ANKRD36C: variants seen among roughly 807,000 people sequenced by gnomAD.
The protein encoded by ANKRD36C is ankyrin repeat domain 36C, also known as ankyrin repeat domain-containing protein 36C.
Under a neutral mutation model 276.4 loss-of-function variants are expected in ANKRD36C, and 61 were observed. The observed-to-expected ratio is 0.22, with a 90% CI of 0.18 to 0.27. ANKRD36C has a LOEUF of 0.27. Among genes scored for constraint, ANKRD36C ranks in the 10% least tolerant of loss-of-function variants. The pLI, the probability that ANKRD36C is intolerant of heterozygous loss-of-function variation, is 1.00. For synonymous variants in ANKRD36C, 483 were observed against 680.1 expected (o/e 0.71, Z 4.51); for missense variants, 1,447 against 2,032.3 (o/e 0.71, Z 5.54).
chr2:95,865,698 C>A (rs1675670299), intron 60 of ANKRD36C, among the ~76,000 whole-genome samples: 1 of 152,044 alleles, frequency 6.6e-6, no homozygotes, highest in African/African-American at 2.4e-5. Context: ...TGTTTGTATA[C>A]ATGAGGTCGG....
chr2:95,952,990 A>C (rs1053791281), intron 14 of ANKRD36C, among the ~76,000 whole-genome samples: 1 of 152,280 alleles, frequency 6.6e-6, no homozygotes, highest in African/African-American at 2.4e-5. Flanking sequence ...TTTGAAATTT[A>C]GAATGCGATA....
intron 59 of ANKRD36C, among the ~76,000 whole-genome samples, chr2:95,875,475 A>G (rs1351435229): frequency 6.9e-6 from 1 of 144,336 alleles, no homozygotes; most frequent in African/African-American, 2.6e-5. Flanking sequence ...GTGGGAATTG[A>G]ACAATGAGAA....
rs185645586 is a variant in ANKRD36C, at chr2:95,903,048, A to T, written c.2654-3712T>A. 2.6e-5 allele frequency: 41 copies of T among 1,570,464 alleles called. 1 individual carries two copies. The East Asian group carries it at 8.7e-4, about 33-fold the overall frequency. The stretch of plus-strand genomic sequence containing the variant: ...AGTTCACAATATAAATGACAGTTTC[A>T]TTACCTTCAAGCCTGGTGGTTGCTC... On this transcript the variant is annotated intron_variant, in intron 42 of 66. Coordinates refer to ENST00000456556, the Ensembl canonical transcript of ANKRD36C.
Position 95,954,014 on chromosome 2 carries a change from C to G in ANKRD36C, c.1137-9G>C. The G allele has an allele frequency of 6.5e-7, 1 of 1,534,482 alleles. No homozygotes were observed. The highest frequency in any genetic ancestry group is 1.2e-5 in the South Asian group (1 of 83,746). On this transcript the variant is annotated splice_polypyrimidine_tract_variant and intron_variant, in intron 13 of 66. Coordinates refer to ENST00000456556, the Ensembl canonical transcript of ANKRD36C. ...CCGGTCTGTAGAGACTCCTACAGAG[C>G]AAAAAGATACAGCAAAAATGAGCAC...
chr2:95,912,440 A>G lies in ANKRD36C; in HGVS notation c.2552-5T>C, dbSNP rs1425127866. 1.2e-6 allele frequency: 2 copies of G among 1,605,192 alleles called. No homozygotes were observed. Among genetic ancestry groups the G allele is most frequent in the African/African-American group, 2.7e-5 (2 of 74,562 alleles). ...CTGGTTTTTTCCGAGAAGACACTGAAAAGCAAAAGGGATACATAATCACTC... is the reference window on the plus strand; with the variant it reads ...CTGGTTTTTTCCGAGAAGACACTGAGAAGCAAAAGGGATACATAATCACTC... On this transcript the variant is annotated splice_polypyrimidine_tract_variant and splice_region_variant and intron_variant, in intron 40 of 66. Coordinates refer to ENST00000456556, the Ensembl canonical transcript of ANKRD36C.
intron 44 of ANKRD36C, among the ~76,000 whole-genome samples, chr2:95,897,723 C>A (rs1223813694): frequency 6.8e-6 from 1 of 147,680 alleles, no homozygotes; most frequent in Non-Finnish European, 1.5e-5. Context: ...AAAACCATGT[C>A]AATATCAACG....
At chr2:95,967,973 T>C (rs1170313608) in intron 6 of ANKRD36C, among the ~76,000 whole-genome samples, 1 of 152,028 alleles carries the variant, frequency 6.6e-6, no homozygotes, top group Non-Finnish European at 1.5e-5. Context: ...ACGTATGTAA[T>C]CCCAGCTACT....
rs558746903 is a variant in ANKRD36C at position 95,908,337 on chromosome 2, G to T, written c.2653+3907C>A. On this transcript the variant is annotated intron_variant, in intron 42 of 66. Transcript: ENST00000456556. ...ATCTTACGGCGAAGATCATGTTCCA[G>T]ACCAGCAGCATCATCATCACCCAAG... 2.6e-5 allele frequency among the ~76,000 whole-genome samples: 4 copies of T among 151,046 alleles called. No individual in the cohort carries two copies. In the East Asian group the frequency reaches 7.9e-4, roughly 30 times the overall value.
chr2:95,908,860 C>T (rs1676826270), intron 42 of ANKRD36C, among the ~76,000 whole-genome samples, 163 bp from the exon 47 acceptor site: 1 of 151,292 alleles, frequency 6.6e-6, no homozygotes, highest in Non-Finnish European at 1.5e-5. Context: ...CAGAAATACG[C>T]TGAGAAAAGG....
At chr2:95,949,019 A>G (rs1320385920) in intron 16 of ANKRD36C, among the ~76,000 whole-genome samples, 1 of 152,138 alleles carries the variant, frequency 6.6e-6, no homozygotes, top group African/African-American at 2.4e-5. Context: ...TAGAAAAGGC[A>G]CGGTCTCTTC....
intron 20 of ANKRD36C, among the ~76,000 whole-genome samples, chr2:95,939,834 A>T (rs1236253291): frequency 2.0e-5 from 3 of 152,304 alleles, no homozygotes; most frequent in Non-Finnish European, 4.4e-5. Flanking sequence ...CACAGTCATG[A>T]AGGCTTCTGA....
intron 42 of ANKRD36C, among the ~76,000 whole-genome samples, chr2:95,904,060 AATC>A (rs1676732415): frequency 9.6e-6 from 1 of 103,884 alleles, no homozygotes; most frequent in Non-Finnish European, 1.9e-5. Flanking sequence ...CTGTAACTAA[AATC>A]AACAAAACAT....
In ANKRD36C at chr2:95,978,192, A is replaced by G. The variant is rs1424706052; in HGVS notation, c.732-3T>C. Reference sequence around the variant, plus strand: ...ATTCATAAATTAGTTCAAAAATGCTATGCATAAAAATAAATGAAATTAATA... The same window carrying G: ...ATTCATAAATTAGTTCAAAAATGCTGTGCATAAAAATAAATGAAATTAATA... On this transcript the variant is annotated splice_polypyrimidine_tract_variant and splice_region_variant and intron_variant, in intron 5 of 66. Transcript: ENST00000456556. The G allele has an allele frequency of 1.0e-6, 1 of 985,654 alleles. No homozygotes were observed. The allele number at this position is 985,654 out of a possible 1,614,324, so 61.1% of individuals were successfully genotyped here. A position where few individuals can be genotyped will look rare whatever the true frequency, so the allele number is the denominator to read the frequency against.
At position 95,892,640 on chromosome 2, in the gene ANKRD36C, C is replaced by G. The variant is rs187712030; in HGVS notation, c.2756-780G>C. ...TGACCAGTTATTCATTCAGAAATCA[C>G]TGCAATATTCACTATAAATGACCAT... On this transcript the variant is annotated intron_variant, in intron 44 of 66. Transcript: ENST00000456556. 2.2e-3 allele frequency among the ~76,000 whole-genome samples: 341 copies of G among 151,614 alleles called. 1 individual carries two copies. Among genetic ancestry groups the G allele is most frequent in the Non-Finnish European group, 3.6e-3 (241 of 67,650 alleles).
intron 60 of ANKRD36C, among the ~76,000 whole-genome samples, chr2:95,861,801 A>C (rs562833351): frequency 3.9e-5 from 6 of 152,216 alleles, no homozygotes; most frequent in African/African-American, 1.4e-4. Context: ...ACAGACTGTC[A>C]GGCTCAGCAA....
chr2:95,896,910 G>T (rs1676567246), intron 44 of ANKRD36C, among the ~76,000 whole-genome samples: 1 of 148,332 alleles, frequency 6.7e-6, no homozygotes, highest in African/African-American at 2.5e-5. Context: ...TCTTTTCTTG[G>T]CAGTACGATC....
intron 10 of ANKRD36C, 149 bp downstream of exon 10, chr2:95,960,324 T>A: frequency 4.0e-6 from 4 of 992,864 alleles, no homozygotes; most frequent in Non-Finnish European, 5.9e-6. Flanking sequence ...AGAATCACCA[T>A]CACTCAAGAA....
At chr2:95,849,263 T>C (rs1282396993), downstream of ANKRD36C, among the ~76,000 whole-genome samples, 1 of 152,202 alleles carries the variant, frequency 6.6e-6, no homozygotes, top group Non-Finnish European at 1.5e-5. Flanking sequence ...TTTCACCATA[T>C]TGGCCAGGCT....
intron 62 of ANKRD36C, 131 bp downstream of exon 82, chr2:95,857,178 A>C: frequency 1.1e-5 from 12 of 1,122,036 alleles, no homozygotes; most frequent in Non-Finnish European, 1.4e-5. Context: ...TATAAATGCC[A>C]TGATTCATTT....
Sources: allele counts gnomAD v4.1 joint callset (sites outside exome capture counted in the v4.1 genomes callset), GRCh38; gene constraint gnomAD v4.1.1; transcripts MANE v1.5; gene names NCBI Gene and HGNC (gene_info 2026-07-23, HGNC 2026-07-21).